KPNA4: variants seen among roughly 807,000 people sequenced by gnomAD.
KPNA4 encodes the protein importin subunit alpha-3.
Under a neutral mutation model 71.3 loss-of-function variants are expected in KPNA4, and 13 were observed. The ratio of observed to expected loss-of-function variants is 0.18; its 90% CI spans 0.12 to 0.29. The LOEUF is 0.29. Ranked by LOEUF, KPNA4 falls within the 10% of genes least tolerant of loss-of-function variation. The pLI is 1.00. For synonymous variants in KPNA4, 189 were observed against 195.2 expected (o/e 0.97, Z 0.26); for missense variants, 334 against 603.2 (o/e 0.55, Z 4.67).
intron 13 of KPNA4, among the ~76,000 whole-genome samples, chr3:160,511,926 A>T (rs2108544912): frequency 6.6e-6 from 1 of 152,174 alleles, no homozygotes; most frequent in Non-Finnish European, 1.5e-5. Flanking sequence ...AAGAGATGTA[A>T]ATATAAAATC....
chr3:160,522,226 G>A (rs1208217814), intron 10 of KPNA4, among the ~76,000 whole-genome samples: 1 of 152,152 alleles, frequency 6.6e-6, no homozygotes, highest in African/African-American at 2.4e-5. Context: ...AAAGGCTGAG[G>A]GATAACAGGT....
intron 6 of KPNA4, 49 bp downstream of exon 6, chr3:160,531,413 C>T (rs757241090): frequency 2.1e-6 from 2 of 947,862 alleles, no homozygotes. Context: ...TTGTCTTCTC[C>T]AAAGGATACA....
intron 1 of KPNA4, among the ~76,000 whole-genome samples, chr3:160,554,341 C>T (rs1722095056): frequency 6.6e-6 from 1 of 152,172 alleles, no homozygotes; most frequent in African/African-American, 2.4e-5. Context: ...CAAAAATCAG[C>T]CCCATACCCA....
At chr3:160,520,788 G>C (rs1367213174) in intron 11 of KPNA4, among the ~76,000 whole-genome samples, 1 of 152,118 alleles carries the variant, frequency 6.6e-6, no homozygotes, top group Non-Finnish European at 1.5e-5. Flanking sequence ...TAATGACTTA[G>C]GCTACAGACT....
At chr3:160,550,760 T>C (rs1722023939) in intron 1 of KPNA4, among the ~76,000 whole-genome samples, 1 of 152,214 alleles carries the variant, frequency 6.6e-6, no homozygotes, top group Non-Finnish European at 1.5e-5. Context: ...CTCCATCAAC[T>C]GGTATGACTG....
At chr3:160,505,779 C>A (rs1234971165) in intron 15 of KPNA4, among the ~76,000 whole-genome samples, 3 of 152,138 alleles carry the variant, frequency 2.0e-5, no homozygotes, top group Non-Finnish European at 2.9e-5. Flanking sequence ...GTGATCTTCC[C>A]ATTAAAAAAT....
At position 160,498,671 on chromosome 3, in the gene KPNA4, C is replaced by G. The variant is rs996322810; in HGVS notation, c.*3433G>C. 2.6e-5 allele frequency: 4 copies of G among 152,184 alleles called. No homozygotes were observed. The highest frequency in any genetic ancestry group is 9.7e-5 in the African/African-American group (4 of 41,418). The allele number at this position is 152,184 out of a possible 1,614,324, so 9.4% of individuals were successfully genotyped here. A position where few individuals can be genotyped will look rare whatever the true frequency, so the allele number is the denominator to read the frequency against. On this transcript the variant is annotated 3_prime_UTR_variant, in exon 17 of 17. Transcript: ENST00000334256. The stretch of plus-strand genomic sequence containing the variant: ...CTCTTGCTGGCCTTGAAGAAGTTCC[C>G]ATGATTTCTTCAGTTGCTAGGCAAT...
intron 10 of KPNA4, among the ~76,000 whole-genome samples, chr3:160,525,338 C>G (rs767448383): frequency 6.6e-6 from 1 of 151,920 alleles, no homozygotes; most frequent in East Asian, 1.9e-4. Context: ...CAAATCCATG[C>G]ACAAACATTT....
At chr3:160,530,229 G>C (rs1033386653) in intron 7 of KPNA4, among the ~76,000 whole-genome samples, 18 of 152,110 alleles carry the variant, frequency 1.2e-4, no homozygotes, top group East Asian at 3.9e-4. Context: ...AGCACACTGG[G>C]AGGCCAAAGC....
Position 160,515,499 on chromosome 3 carries a change from A to G in KPNA4, c.985T>C (p.Ser329Pro). 6.2e-7 allele frequency: 1 copy of G among 1,613,980 alleles called. No homozygotes were observed. ...TQVVLNCDALSHFPALLTHPK... is the reference protein window; with the variant it reads ...TQVVLNCDALPHFPALLTHPK... ...TGTGTCAGGAGTGCTGGGAAGTGTGAAAGAGCATCACAGTTCAAAACTACT... is the reference window on the plus strand; with the variant it reads ...TGTGTCAGGAGTGCTGGGAAGTGTGGAAGAGCATCACAGTTCAAAACTACT... Residue 329 changes from serine (S) to proline (P), a missense_variant, in exon 12 of 17, where the codon TCA (serine) becomes CCA (proline). By Grantham distance (74) the Ser-to-Pro change is moderately conservative (BLOSUM62 -1). Coordinates refer to ENST00000334256, the MANE Select transcript of KPNA4 (RefSeq NM_002268.5).
At chr3:160,553,448 C>T (rs1238004420) in intron 1 of KPNA4, among the ~76,000 whole-genome samples, 1 of 152,166 alleles carries the variant, frequency 6.6e-6, no homozygotes, top group African/African-American at 2.4e-5. Flanking sequence ...CAGTCAGTAG[C>T]AAGGGAAAAT....
intron 15 of KPNA4, among the ~76,000 whole-genome samples, chr3:160,507,766 T>A (rs904271958): frequency 6.6e-6 from 1 of 152,242 alleles, no homozygotes; most frequent in South Asian, 2.1e-4. Context: ...GGATTAGGCA[T>A]CCCATTTTGT....
chr3:160,561,304 T>G (rs1722241053), intron 1 of KPNA4, among the ~76,000 whole-genome samples: 1 of 152,000 alleles, frequency 6.6e-6, no homozygotes, highest in South Asian at 2.1e-4. Flanking sequence ...AAACATAAAT[T>G]ATATGAGCTT....
chr3:160,504,874 T>C, intron 16 of KPNA4, 84 bp downstream of exon 16: 1 of 507,712 alleles, frequency 2.0e-6, no homozygotes, highest in Non-Finnish European at 3.2e-6. Flanking sequence ...TACACATGTA[T>C]GTCCCCCAGC....
At chr3:160,533,306 T>A (rs1308229126) in intron 5 of KPNA4, among the ~76,000 whole-genome samples, 1 of 152,162 alleles carries the variant, frequency 6.6e-6, no homozygotes, top group African/African-American at 2.4e-5. Flanking sequence ...ATTACAGGCG[T>A]TAAGCCACCG....
chr3:160,529,671 ACAAT>A (rs1721529898), intron 7 of KPNA4, among the ~76,000 whole-genome samples: 4 of 152,180 alleles, frequency 2.6e-5, no homozygotes, highest in Admixed American at 2.6e-4. Context: ...GTTTGGTAGA[ACAAT>A]CAAATACTAT....
intron 1 of KPNA4, among the ~76,000 whole-genome samples, chr3:160,560,894 A>T (rs543232689): frequency 1.3e-5 from 2 of 152,072 alleles, no homozygotes; most frequent in Middle Eastern, 3.2e-3. Context: ...AAGTATAGTA[A>T]ATATGTTCCA....
intron 1 of KPNA4, among the ~76,000 whole-genome samples, chr3:160,537,590 T>C (rs1173607433): frequency 6.7e-6 from 1 of 150,284 alleles, no homozygotes; most frequent in Non-Finnish European, 1.5e-5. Flanking sequence ...ACCTTATTCT[T>C]TCTAATGACT....
chr3:160,518,228 C>T (rs987061922), intron 11 of KPNA4, among the ~76,000 whole-genome samples: 1 of 151,284 alleles, frequency 6.6e-6, no homozygotes, highest in East Asian at 2.0e-4. Flanking sequence ...CCCGGGTTCA[C>T]GCCATTCTCC....
Sources: gnomAD v4.1 joint callset for allele counts (sites outside exome capture counted in the v4.1 genomes callset) on GRCh38, gnomAD v4.1.1 for gene constraint, MANE v1.5 for transcripts, NCBI Gene and HGNC (gene_info 2026-07-23, HGNC 2026-07-21) for gene names.